Variants in TARS3 observed in about 807,000 individuals in gnomAD.
TARS3 encodes threonyl-tRNA synthetase 3, also known as threonine--tRNA ligase 2, cytoplasmic.
In TARS3, 94 loss-of-function variants were observed where a neutral mutation model predicts 103.5. That is an observed-to-expected ratio of 0.91 (90% CI 0.77 to 1.08). The LOEUF is 1.08. TARS3 is among the 50% of genes least tolerant of loss of function. The pLI is 0.00. For synonymous variants in TARS3, 416 were observed against 355.4 expected (o/e 1.17, Z -1.92); for missense variants, 952 against 995.2 (o/e 0.96, Z 0.58).
At position 101,654,605 on chromosome 15, in the gene TARS3, G is replaced by C; in HGVS notation, c.2386C>G (p.Leu796Val). 1 of 1,614,068 alleles carries C rather than the reference G, an allele frequency of 6.2e-7. No homozygotes were observed. Among genetic ancestry groups the C allele is most frequent in the Middle Eastern group, 1.6e-4 (1 of 6,062 alleles). ...KLKNLRKTRT[L>V]NAEEAF ...CTTCAAAAGGCCTCCTCAGCATTGA[G>C]TGTCCGTGTCTTCCTGAGATTCTTC... is the stretch of plus-strand genomic sequence containing the variant. Residue 796 changes from leucine to valine, a missense_variant, in exon 19 of 19, where the codon CTC becomes GTC. Around this residue, in one of 2 missense-constraint regions of TARS3, gnomAD observed 540 missense variants for 631.0 expected, o/e 0.86. Transcript: ENST00000335968.
At position 101,687,458 on chromosome 15, in the gene TARS3, T is replaced by C. The variant is rs867058137; in HGVS notation, c.1321-1396A>G. ...ATGTCATTAAGAATGGCAGTGATTATTGGCTATTTCAGATGGTTCCATATA... is the reference window on the plus strand; with the variant it reads ...ATGTCATTAAGAATGGCAGTGATTACTGGCTATTTCAGATGGTTCCATATA... On this transcript the variant is annotated intron_variant, in intron 10 of 18. Transcript: ENST00000335968. 6.6e-5 allele frequency among the ~76,000 whole-genome samples: 10 copies of C among 152,212 alleles called. No homozygotes were observed. The South Asian group carries it at 1.2e-3, about 19-fold the overall frequency.
At chr15:101,656,126 T>G (rs879687955) in intron 18 of TARS3, 3 of 1,118,214 alleles carry the variant, frequency 2.7e-6, no homozygotes, top group Non-Finnish European at 3.6e-6. Context: ...GTTGAGCTCC[T>G]GATTGCTCTT....
chr15:101,703,882 T>C lies in TARS3; in HGVS notation c.1051A>G (p.Ile351Val), dbSNP rs143280811. The change falls in exon 8 of 19, where the codon ATT becomes GTT. Residue 351 changes from isoleucine to valine, a missense_variant. By Grantham distance (29) the Ile-to-Val change is conservative. This residue lies in a region of TARS3 where 540 missense variants were observed against 631.0 expected (regional missense o/e 0.86). Transcript: ENST00000335968. ...KGPHVRHTGK[I>V]KTIKIFKNSS... ...ACCTTAAAAATTTTGATGGTTTTAA[T>C]TTTTCCAGTGTGTCTTACATGTGGA... 106 of 1,612,962 alleles carry C rather than the reference T, an allele frequency of 6.6e-5. No homozygotes were observed. The African/African-American group carries it at 1.1e-3, about 17-fold the overall frequency.
intron 4 of TARS3, among the ~76,000 whole-genome samples, chr15:101,714,093 A>G (rs953879270): frequency 3.9e-5 from 6 of 152,206 alleles, no homozygotes; most frequent in African/African-American, 1.4e-4. Context: ...TATATCAGAA[A>G]TCATATATCA....
rs745590722 is a variant in TARS3 at position 101,721,317 on chromosome 15, C to A, written c.375G>T (p.Lys125Asn). The change falls in exon 3 of 19, where the codon AAG becomes AAT. Residue 125 changes from lysine to asparagine, a missense_variant. Physicochemically the swap from Lys to Asn is moderately conservative, Grantham distance 94 (BLOSUM62 0). This residue lies in a region of TARS3 where 412 missense variants were observed against 364.2 expected (regional missense o/e 1.13). Transcript: ENST00000335968. Reference protein sequence around the residue: ...MKESEADSEVKHQPIFIKERL... With the variant: ...MKESEADSEVNHQPIFIKERL... ...TTTCTTTTATGAAAATTGGTTGATG[C>A]TTCACCTGGAAATTATTAGAACATA... The A allele has an allele frequency of 7.5e-6, 12 of 1,608,204 alleles. No individual in the cohort carries two copies. Among genetic ancestry groups the A allele is most frequent in the Admixed American group, 3.3e-5 (2 of 59,900 alleles).
At position 101,707,689 on chromosome 15, in the gene TARS3, TGGGGGCA is replaced by T. The variant is rs550787637; in HGVS notation, c.930+1097_930+1103del. Among the ~76,000 whole-genome samples, 600 of 148,600 alleles carry T rather than the reference TGGGGGCA, an allele frequency of 4.0e-3. 3 individuals carry two copies. The highest frequency in any genetic ancestry group is 0.013 in the African/African-American group (514 of 40,596). On this transcript the variant is annotated intron_variant, in intron 6 of 18. Transcript: ENST00000335968. Reference sequence around the variant, plus strand: ...GAGTAGAATGGTGGTGGCCAGGGGCTGGGGGCAGGGCGGGAATGGGGAGCTAATGTTT... The same window carrying T: ...GAGTAGAATGGTGGTGGCCAGGGGCTGGGCGGGAATGGGGAGCTAATGTTT...
chr15:101,721,704 A>G (rs552661506), intron 2 of TARS3, among the ~76,000 whole-genome samples: 57 of 152,322 alleles, frequency 3.7e-4, no homozygotes, highest in Middle Eastern at 6.8e-3. Flanking sequence ...CATGTTGGCC[A>G]GGCTGGTCTC....
At chr15:101,678,735 A>G (rs1185200632) in intron 12 of TARS3, among the ~76,000 whole-genome samples, 1 of 152,184 alleles carries the variant, frequency 6.6e-6, no homozygotes, top group Non-Finnish European at 1.5e-5. Context: ...GAAGGAAAAT[A>G]TATTGTATTT....
rs756028970 is a variant in TARS3, at chr15:101,702,347, T to G, written c.1113A>C (p.Glu371Asp). ...STYWEGNPEM[E>D]TLQRIYGISF... Reference sequence around the variant, plus strand: ...ATATTCCATAGATCCTCTGCAATGTTTCCATTTCCGGATTGCCCTCCCAAT... The same window carrying G: ...ATATTCCATAGATCCTCTGCAATGTGTCCATTTCCGGATTGCCCTCCCAAT... Residue 371 changes from glutamate (E) to aspartate (D), a missense_variant, in exon 9 of 19, where the codon GAA (glutamate) becomes GAC (aspartate). By Grantham distance (45) the Glu-to-Asp change is conservative (BLOSUM62 2). Around this residue, in one of 2 missense-constraint regions of TARS3, gnomAD observed 540 missense variants for 631.0 expected, o/e 0.86. Transcript: ENST00000335968. The G allele has an allele frequency of 1.2e-6, 2 of 1,614,102 alleles. No individual in the cohort carries two copies. The highest frequency in any genetic ancestry group is 2.7e-5 in the African/African-American group (2 of 75,058).
chr15:101,693,331 C>A (rs555270585), intron 10 of TARS3, among the ~76,000 whole-genome samples: 19 of 152,198 alleles, frequency 1.2e-4, no homozygotes, highest in South Asian at 8.3e-4. Flanking sequence ...TGGCAGCAGG[C>A]AAGGGACTTT....
At chr15:101,695,443 G>C (rs1218054277) in intron 10 of TARS3, among the ~76,000 whole-genome samples, 1 of 152,162 alleles carries the variant, frequency 6.6e-6, no homozygotes. Context: ...GCTTGTAAAT[G>C]CTGAGTTGTA....
chr15:101,675,119 G>A (rs1191934930), intron 13 of TARS3, among the ~76,000 whole-genome samples: 2 of 152,260 alleles, frequency 1.3e-5, no homozygotes, highest in East Asian at 3.9e-4. Flanking sequence ...TCTTGGTTTT[G>A]CAAAGCTTAG....
chr15:101,669,549 T>C (rs11633341), intron 15 of TARS3, among the ~76,000 whole-genome samples: 50,564 of 152,172 alleles, frequency 0.33, 9,946 homozygotes, highest in Non-Finnish European at 0.45. Flanking sequence ...CTTCCGGTTA[T>C]GCAAGCTCCA....
intron 13 of TARS3, among the ~76,000 whole-genome samples, chr15:101,675,303 G>A (rs895961561): frequency 2.0e-5 from 3 of 152,126 alleles, no homozygotes; most frequent in Non-Finnish European, 4.4e-5. Flanking sequence ...CACAAACCGA[G>A]AGTTACAGCA....
intron 18 of TARS3, chr15:101,656,003 C>G: frequency 7.8e-7 from 1 of 1,289,204 alleles, no homozygotes; most frequent in Non-Finnish European, 1.0e-6. Flanking sequence ...TCTTGCCACA[C>G]AGAAGGAAGA....
intron 2 of TARS3, among the ~76,000 whole-genome samples, chr15:101,721,777 G>A (rs1484348546): frequency 6.6e-6 from 1 of 152,190 alleles, no homozygotes; most frequent in Admixed American, 6.5e-5. Flanking sequence ...TTACAGGCGT[G>A]AGTCACCGTA....
chr15:101,671,547 G>T lies in TARS3; in HGVS notation c.1906C>A (p.Gln636Lys), dbSNP rs766910710. ...AAGTCCAGCTGAATTGTAGCACATT[G>T]ATGGTATCTGCCAATAGCATCCTTG... ...KIKDAIGRYH[Q>K]CATIQLDFQL... Residue 636 changes from glutamine (Q) to lysine (K), a missense_variant, in exon 15 of 19, where the codon CAA becomes AAA. By Grantham distance (53) the Gln-to-Lys change is moderately conservative. Transcript: ENST00000335968. 6.2e-7 allele frequency: 1 copy of T among 1,612,044 alleles called. No individual in the cohort carries two copies. The highest frequency in any genetic ancestry group is 8.5e-7 in the Non-Finnish European group (1 of 1,178,212).
At chr15:101,663,488 C>T (rs768907994) in intron 15 of TARS3, among the ~76,000 whole-genome samples, 7 of 152,188 alleles carry the variant, frequency 4.6e-5, no homozygotes, top group Non-Finnish European at 8.8e-5. Flanking sequence ...TATTGCCTAA[C>T]GACACATTTC....
chr15:101,690,760 GT>G (rs1371088361), intron 10 of TARS3, among the ~76,000 whole-genome samples: 2 of 152,082 alleles, frequency 1.3e-5, no homozygotes, highest in African/African-American at 2.4e-5. Context: ...CTGCAGTAAA[GT>G]TTTTTTCTAT....
Sources: gnomAD v4.1 joint callset for allele counts (sites outside exome capture counted in the v4.1 genomes callset) on GRCh38, gnomAD v4.1.1 for gene constraint, gnomAD v4.1.1 regional missense constraint, MANE v1.5 for transcripts, NCBI Gene and HGNC (gene_info 2026-07-23, HGNC 2026-07-21) for gene names.